Variants in COL22A1 observed in about 807,000 individuals in gnomAD.
COL22A1 encodes the protein collagen type XXII alpha 1 chain.
COL22A1 carries 221 observed loss-of-function variants against 248.9 expected under a neutral mutation model. The ratio of observed to expected loss-of-function variants is 0.89; its 90% CI spans 0.80 to 0.99. The LOEUF (loss-of-function observed/expected upper bound fraction) is 0.99, where lower values mean the gene tolerates loss of function less well. Among genes scored for constraint, COL22A1 ranks in the 50% least tolerant of loss-of-function variants. The pLI is 0.00. For synonymous variants in COL22A1, 891 were observed against 793.4 expected (o/e 1.12, Z -2.07); for missense variants, 2,240 against 2,179.0 (o/e 1.03, Z -0.56).
intron 39 of COL22A1, among the ~76,000 whole-genome samples, chr8:138,683,004 T>C (rs955606520): frequency 2.6e-5 from 4 of 152,186 alleles, no homozygotes; most frequent in Non-Finnish European, 5.9e-5. Flanking sequence ...CGGCCCTACA[T>C]GCACTTTAAA....
chr8:138,619,444 T>C lies in COL22A1; in HGVS notation c.3825+11A>G, dbSNP rs755590625. ...TGGTTCTACCGTTCCCCACACACAC[T>C]ACACACTTACAGGTGGGCCTCGGGC... On this transcript the variant is annotated intron_variant, in intron 53 of 64. Coordinates refer to ENST00000303045, the MANE Select transcript of COL22A1 (RefSeq NM_152888.3). 7 of 1,613,470 alleles carry C rather than the reference T, an allele frequency of 4.3e-6. No homozygotes were observed. In the Admixed American group the frequency reaches 1.0e-4, roughly 23 times the overall value.
chr8:138,772,486 C>G (rs1362757158), intron 16 of COL22A1, among the ~76,000 whole-genome samples: 1 of 152,062 alleles, frequency 6.6e-6, no homozygotes. Context: ...GATGCTTGAG[C>G]AAAGCGTATT....
At chr8:138,703,196 A>G in intron 31 of COL22A1, 110 bp downstream of exon 31, 1 of 984,894 alleles carries the variant, frequency 1.0e-6, no homozygotes, top group South Asian at 1.3e-5. Context: ...CTATTGGCAA[A>G]CTCCAATAGG....
Position 138,591,506 on chromosome 8 carries a change from G to T in COL22A1, c.4616-5C>A, listed in dbSNP as rs754019774. On this transcript the variant is annotated splice_polypyrimidine_tract_variant and splice_region_variant and intron_variant, in intron 63 of 64. Coordinates refer to ENST00000303045, the MANE Select transcript of COL22A1 (RefSeq NM_152888.3). ...CACCTTTGGCTCCTCGCTCACCTGG[G>T]AAGAAAAACATGCACTTTTGATGGT... The T allele has an allele frequency of 6.5e-7, 1 of 1,535,532 alleles. No individual in the cohort carries two copies. Among genetic ancestry groups the T allele is most frequent in the Admixed American group, 2.0e-5 (1 of 50,080 alleles).
At position 138,818,291 on chromosome 8, in the gene COL22A1, C is replaced by A. The variant is rs377746706; in HGVS notation, c.1245+2845G>T. Among the ~76,000 whole-genome samples the A allele has an allele frequency of 2.2e-4, 33 of 152,204 alleles. No individual in the cohort carries two copies. The East Asian group carries it at 5.2e-3, about 24-fold the overall frequency. ...CAGAGCCAGAGTCCTAGCCTGGCTG[C>A]CCAAGACAGGGAACTTAAACAAGTC... On this transcript the variant is annotated intron_variant, in intron 7 of 64. Transcript: ENST00000303045.
chr8:138,598,680 C>A (rs199844759), intron 61 of COL22A1, 39 bp downstream of exon 61: 1 of 1,579,762 alleles, frequency 6.3e-7, no homozygotes, highest in Non-Finnish European at 8.6e-7. Context: ...CCTTAGGCCC[C>A]GAGGAGCCCC....
intron 12 of COL22A1, among the ~76,000 whole-genome samples, chr8:138,792,977 A>T (rs1362085864): frequency 6.6e-6 from 1 of 152,216 alleles, no homozygotes; most frequent in Non-Finnish European, 1.5e-5. Context: ...TGGGCACAGC[A>T]TTGCCTTCCC....
At position 138,755,180 on chromosome 8, in the gene COL22A1, C is replaced by A. The variant is rs768903455; in HGVS notation, c.2008G>T (p.Ala670Ser). The A allele has an allele frequency of 3.1e-6, 5 of 1,613,956 alleles. No individual in the cohort carries two copies. Among genetic ancestry groups the A allele is most frequent in the Non-Finnish European group, 4.2e-6 (5 of 1,179,980 alleles). The change falls in exon 21 of 65, where the codon GCC becomes TCC. Residue 670 changes from alanine (A) to serine (S), a missense_variant. Ala to Ser is a moderately conservative substitution (Grantham distance 99). Transcript: ENST00000303045. Reference sequence around the variant, plus strand: ...ACCCGAGCTCCTGGAGGACCGGGGGCGCCTTGGTGACCTCTGGGTCCTGGA... The same window carrying A: ...ACCCGAGCTCCTGGAGGACCGGGGGAGCCTTGGTGACCTCTGGGTCCTGGA... ...GAPGPRGHQG[A>S]PGPPGARGPI...
Position 138,662,059 on chromosome 8 carries a change from G to A in COL22A1, c.3211C>T (p.Pro1071Ser). 6.2e-7 allele frequency: 1 copy of A among 1,612,226 alleles called. No individual in the cohort carries two copies. Among genetic ancestry groups the A allele is most frequent in the Non-Finnish European group, 8.5e-7 (1 of 1,179,170 alleles). Reference sequence around the variant, plus strand: ...CGGCCGGCTGGGCCCTGGGGGCCAGGGAATCCAGGTAAGCCTCGTGATCCC... The same window carrying A: ...CGGCCGGCTGGGCCCTGGGGGCCAGAGAATCCAGGTAAGCCTCGTGATCCC... ...SPGSRGLPGF[P>S]GPQGPAGRDG... Residue 1071 changes from proline to serine, a missense_variant, in exon 43 of 65, where the codon CCT becomes TCT. Transcript: ENST00000303045.
intron 45 of COL22A1, among the ~76,000 whole-genome samples, chr8:138,652,140 G>A (rs2130576893): frequency 6.6e-6 from 1 of 152,278 alleles, no homozygotes; most frequent in African/African-American, 2.4e-5. Flanking sequence ...AGTCCCTCCT[G>A]GCCCTGCACC....
rs369635164 is a variant in COL22A1, at chr8:138,821,374, T to A, written c.1007A>T (p.Glu336Val). The A allele has an allele frequency of 6.8e-6, 11 of 1,613,824 alleles. No individual in the cohort carries two copies. In the African/African-American group the frequency reaches 1.2e-4, roughly 18 times the overall value. ...IRLDGENKAV[E>V]YNAVGAMKDA... ...TTTCATGGCACCCACAGCGTTGTAC[T>A]CGACTGCCTTGTTTTCACCATCCAG... is the stretch of plus-strand genomic sequence containing the variant. Residue 336 changes from glutamate (E) to valine (V), a missense_variant, in exon 7 of 65, where the codon GAG becomes GTG. By Grantham distance (121) the Glu-to-Val change is moderately radical. Coordinates refer to ENST00000303045, the MANE Select transcript of COL22A1 (RefSeq NM_152888.3).
intron 47 of COL22A1, among the ~76,000 whole-genome samples, chr8:138,643,712 T>C (rs928844060): frequency 6.6e-6 from 1 of 151,220 alleles, no homozygotes; most frequent in Non-Finnish European, 1.5e-5. Context: ...TTTTAAAAAA[T>C]TTTTTTTTCT....
At chr8:138,724,123 T>C (rs1225270839) in intron 25 of COL22A1, among the ~76,000 whole-genome samples, 1 of 152,192 alleles carries the variant, frequency 6.6e-6, no homozygotes, top group Admixed American at 6.5e-5. Flanking sequence ...ACTTTAACTG[T>C]GCCCCTCCTA....
At chr8:138,616,643 G>C (rs1290592112) in intron 54 of COL22A1, among the ~76,000 whole-genome samples, 1 of 152,210 alleles carries the variant, frequency 6.6e-6, no homozygotes, top group African/African-American at 2.4e-5. Context: ...GCTCAGGGCT[G>C]ACATGCGTGA....
intron 44 of COL22A1, among the ~76,000 whole-genome samples, chr8:138,659,331 G>A (rs1476050958): frequency 1.3e-5 from 2 of 152,166 alleles, no homozygotes; most frequent in East Asian, 1.9e-4. Context: ...GGGATGGGGG[G>A]TCATCCACAC....
chr8:138,718,718 T>C (rs542787723), intron 27 of COL22A1, among the ~76,000 whole-genome samples: 2 of 152,344 alleles, frequency 1.3e-5, no homozygotes, highest in South Asian at 2.1e-4. Flanking sequence ...AAAAGCGTCA[T>C]GACCGGAGAA....
chr8:138,850,244 C>G (rs760058148), intron 3 of COL22A1, among the ~76,000 whole-genome samples: 1 of 152,212 alleles, frequency 6.6e-6, no homozygotes, highest in Non-Finnish European at 1.5e-5. Context: ...GGCCCAGATC[C>G]TCTGGCTGTT....
Position 138,689,235 on chromosome 8 carries a change from C to T in COL22A1, c.2809-265G>A, listed in dbSNP as rs554317215. ...CATGGTCTGCTGGAAGCTTTACCGC[C>T]TGCTCTGGAATGTGAACTATCAGAA... On this transcript the variant is annotated intron_variant, in intron 36 of 64. Transcript: ENST00000303045. 2.6e-5 allele frequency among the ~76,000 whole-genome samples: 4 copies of T among 152,276 alleles called. No homozygotes were observed. The South Asian group carries it at 8.3e-4, about 32-fold the overall frequency.
chr8:138,667,925 T>G (rs1824656237), intron 41 of COL22A1, among the ~76,000 whole-genome samples: 1 of 151,764 alleles, frequency 6.6e-6, no homozygotes. Flanking sequence ...CCAACTTAGC[T>G]GAACCACAGA....
Sources: gnomAD v4.1 joint callset for allele counts (sites outside exome capture counted in the v4.1 genomes callset) on GRCh38, gnomAD v4.1.1 for gene constraint, MANE v1.5 for transcripts, NCBI Gene and HGNC (gene_info 2026-07-23, HGNC 2026-07-21) for gene names.